The following CMTR1 variants were observed in gnomAD, a reference collection of about 807,000 sequenced individuals.
CMTR1 encodes the protein cap methyltransferase 1.
Under a neutral mutation model 107.0 loss-of-function variants are expected in CMTR1, and 39 were observed. That is an observed-to-expected ratio of 0.36 (90% confidence interval 0.28 to 0.48). The LOEUF (loss-of-function observed/expected upper bound fraction) is 0.48, where lower values mean the gene tolerates loss of function less well. Ranked by LOEUF, CMTR1 falls within the 20% of genes least tolerant of loss-of-function variation. The probability of loss-of-function intolerance (pLI) is 0.99; values close to 1 mark genes in which losing one functional copy is unlikely to be tolerated. For synonymous variants in CMTR1, 366 were observed against 379.5 expected (o/e 0.96, Z 0.41); for missense variants, 672 against 1,064.9 (o/e 0.63, Z 5.14).
At chr6:37,429,323 G>C (rs921392140), upstream of CMTR1, among the ~76,000 whole-genome samples, 5 of 151,930 alleles carry the variant, frequency 3.3e-5, no homozygotes, top group African/African-American at 1.2e-4. Flanking sequence ...TTTAGGTTAT[G>C]GTTATAATGG....
intron 13 of CMTR1, among the ~76,000 whole-genome samples, chr6:37,469,521 C>CTTTTTTTTTTT (rs763917812): frequency 6.5e-5 from 4 of 61,616 alleles, no homozygotes; most frequent in East Asian, 5.0e-4. Context: ...TTGTTTTATC[C>CTTTTTTTTTTT]TTTTTTTTTT....
At chr6:37,433,076 C>A (rs538892283), upstream of CMTR1, 1 of 152,334 alleles carries the variant, frequency 6.6e-6, no homozygotes, top group Non-Finnish European at 1.5e-5. Flanking sequence ...CTTTTCCGGG[C>A]GGCTTTTCCG....
chr6:37,462,786 A>T (rs1452363856), intron 12 of CMTR1, 43 bp from the exon 13 acceptor site: 2 of 1,589,014 alleles, frequency 1.3e-6, no homozygotes, highest in Middle Eastern at 2.3e-4. Flanking sequence ...ATGTATGGGG[A>T]GGAAGCCCTT....
At chr6:37,459,438 AG>A in intron 9 of CMTR1, 127 bp from the exon 10 acceptor site, 1 of 740,394 alleles carries the variant, frequency 1.4e-6, no homozygotes, top group Non-Finnish European at 2.5e-6. Flanking sequence ...ACTGTAAGGG[AG>A]CCTTGCAGGA....
At chr6:37,474,848 C>T (rs1440911302) in intron 18 of CMTR1, among the ~76,000 whole-genome samples, 1 of 152,188 alleles carries the variant, frequency 6.6e-6, no homozygotes, top group Non-Finnish European at 1.5e-5. Context: ...GCGCAGTCTC[C>T]GTGCGTCAGA....
the CMTR1 span, among the ~76,000 whole-genome samples, chr6:37,426,407 A>G: frequency 1.3e-5 from 2 of 152,234 alleles, no homozygotes; most frequent in South Asian, 4.1e-4. Flanking sequence ...CAGAAAGCCA[A>G]TTCTTCACCT....
chr6:37,472,601 C>G lies in CMTR1; in HGVS notation c.1689+114C>G, dbSNP rs1372149726. 3.7e-6 allele frequency: 4 copies of G among 1,066,812 alleles called. No homozygotes were observed. The African/African-American group carries it at 4.7e-5, about 12-fold the overall frequency. The allele number at this position is 1,066,812 out of a possible 1,614,324, so 66.1% of individuals were successfully genotyped here. On this transcript the variant is annotated intron_variant, in intron 16 of 23. Transcript: ENST00000373451. The surrounding 1 kb of genome is among the most constrained non-coding windows in gnomAD (Gnocchi z 4.1). ...CCAGAGGGCTTGTGCAGATGCCCACCATGGGCTCTAAGGGGCGGAGCTAAG... is the reference window on the plus strand; with the variant it reads ...CCAGAGGGCTTGTGCAGATGCCCACGATGGGCTCTAAGGGGCGGAGCTAAG...
chr6:37,472,428 C>G lies in CMTR1; in HGVS notation c.1630C>G (p.Gln544Glu). The G allele has an allele frequency of 1.2e-6, 2 of 1,614,182 alleles. No individual in the cohort carries two copies. Among genetic ancestry groups the G allele is most frequent in the South Asian group, 2.2e-5 (2 of 91,088 alleles). The change falls in exon 16 of 24, where the codon CAG becomes GAG. Residue 544 changes from glutamine to glutamate, a missense_variant. This residue lies in a region of CMTR1 where 583 missense variants were observed against 968.4 expected (regional missense o/e 0.60). Coordinates refer to ENST00000373451, the MANE Select transcript of CMTR1 (RefSeq NM_015050.3). This position sits in a 1 kb window ranked among gnomAD's most constrained non-coding sequence, Gnocchi z 4.1. ...TGCTGTCTTATTTCAGATCCCAGACCAGGCTCGTGTGGCTCCTTCTTCCTC... is the reference window on the plus strand; with the variant it reads ...TGCTGTCTTATTTCAGATCCCAGACGAGGCTCGTGTGGCTCCTTCTTCCTC... ...ECLRLWGIPD[Q>E]ARVAPSSSDP...
At chr6:37,460,685 G>T (rs1761385203) in intron 10 of CMTR1, among the ~76,000 whole-genome samples, 1 of 152,142 alleles carries the variant, frequency 6.6e-6, no homozygotes, top group Non-Finnish European at 1.5e-5. Flanking sequence ...TTAATAGAGG[G>T]CAGCGTCCTT....
intron 2 of CMTR1, among the ~76,000 whole-genome samples, chr6:37,439,090 T>C (rs1771608301): frequency 6.6e-6 from 1 of 152,224 alleles, no homozygotes; most frequent in Non-Finnish European, 1.5e-5. Context: ...TTTAGTTTAA[T>C]CAGTGTGTTT....
At chr6:37,461,734 T>TA (rs1018824217) in intron 11 of CMTR1, 89 bp downstream of exon 11, 27 of 958,024 alleles carry the variant, frequency 2.8e-5, no homozygotes, top group Admixed American at 1.0e-4. Context: ...GTGGGGAAGT[T>TA]AAAAAAATCT....
upstream of CMTR1, among the ~76,000 whole-genome samples, chr6:37,430,768 C>A (rs1361013223): frequency 2.6e-5 from 4 of 152,020 alleles, no homozygotes; most frequent in Non-Finnish European, 2.9e-5. Flanking sequence ...TAATCCCAGT[C>A]CTTTGGGAGG....
the CMTR1 span, among the ~76,000 whole-genome samples, chr6:37,428,061 A>AGAGAGAGAGAGAGAC: frequency 1.4e-5 from 2 of 143,074 alleles, no homozygotes; most frequent in Non-Finnish European, 1.5e-5. Context: ...AGAGAGAGAG[A>AGAGAGAGAGAGAGAC]AACTCTCTAA....
intron 8 of CMTR1, among the ~76,000 whole-genome samples, chr6:37,454,177 G>A (rs957145415): frequency 6.6e-6 from 1 of 152,106 alleles, no homozygotes; most frequent in Non-Finnish European, 1.5e-5. Flanking sequence ...CAGTGATAGG[G>A]CCAGGAGCCA....
At chr6:37,439,193 A>C (rs1192079662) in intron 2 of CMTR1, among the ~76,000 whole-genome samples, 1 of 152,236 alleles carries the variant, frequency 6.6e-6, no homozygotes, top group African/African-American at 2.4e-5. Context: ...TGTCATGGCC[A>C]CTGTTGCATC....
chr6:37,463,466 G>A (rs1761441965), intron 13 of CMTR1, among the ~76,000 whole-genome samples: 1 of 152,146 alleles, frequency 6.6e-6, no homozygotes, highest in Admixed American at 6.5e-5. Flanking sequence ...TTCCCCAGCT[G>A]GTGATCCAAA....
chr6:37,438,122 G>A (rs138816845), intron 2 of CMTR1, among the ~76,000 whole-genome samples: 1 of 152,280 alleles, frequency 6.6e-6, no homozygotes, highest in African/African-American at 2.4e-5. Context: ...GCTTATGCCT[G>A]TAATTCTAAT....
chr6:37,451,784 T>TA, intron 5 of CMTR1, 22 bp from the exon 6 acceptor site: 1 of 1,597,410 alleles, frequency 6.3e-7, no homozygotes, highest in Middle Eastern at 1.7e-4. Context: ...GGTCATTACT[T>TA]ACTGCTTTTT....
In CMTR1 at chr6:37,480,752, T is replaced by A; in HGVS notation, c.*607T>A. On this transcript the variant is annotated 3_prime_UTR_variant, in exon 24 of 24. Transcript: ENST00000373451. ...CCTGGAGTTCTTCCTAGCCCAGAGC[T>A]CTGACAGTCCAGCAGGGTGGGAAGG... 9.5e-7 allele frequency: 1 copy of A among 1,058,164 alleles called. No individual in the cohort carries two copies. The highest frequency in any genetic ancestry group is 1.1e-6 in the Non-Finnish European group (1 of 874,866). 65.5% of individuals were successfully genotyped at this position (1,058,164 alleles called of 1,614,324 possible).
Sources: gnomAD v4.1 joint callset for allele counts (sites outside exome capture counted in the v4.1 genomes callset) on GRCh38, gnomAD v4.1.1 for gene constraint, gnomAD v4.1.1 regional missense constraint, Gnocchi (gnomAD v3.1) non-coding constraint, MANE v1.5 for transcripts, NCBI Gene and HGNC (gene_info 2026-07-23, HGNC 2026-07-21) for gene names.